The following BMPR1A variants were observed in gnomAD, a reference collection of about 807,000 sequenced individuals.
BMPR1A encodes the protein bone morphogenetic protein receptor type 1A, also known as bone morphogenetic protein receptor type-1A.
Under a neutral mutation model 66.0 loss-of-function variants are expected in BMPR1A, and 7 were observed. The ratio of observed to expected loss-of-function variants is 0.11; its 90% CI spans 0.06 to 0.20. BMPR1A has a LOEUF of 0.20. Ranked by LOEUF, BMPR1A falls within the 10% of genes least tolerant of loss-of-function variation. The probability of loss-of-function intolerance (pLI) is 1.00; values close to 1 mark genes in which losing one functional copy is unlikely to be tolerated. For missense variants in BMPR1A, 408 were observed against 669.1 expected (o/e 0.61, Z 4.31); for synonymous variants, 200 against 229.7 (o/e 0.87, Z 1.17).
rs774787897 is a variant in BMPR1A at position 86,869,647 on chromosome 10, C to T, written c.-152-6220C>T. On this transcript the variant is annotated intron_variant, in intron 2 of 12. Coordinates refer to ENST00000372037, the MANE Select transcript of BMPR1A (RefSeq NM_004329.3). ...TGGCGCATGCCTGTAATCTCAGCTA[C>T]TCGGGATGCTGAGGCGGGAGAATCG... Among the ~76,000 whole-genome samples the T allele has an allele frequency of 1.8e-4, 28 of 151,846 alleles. 1 individual carries two copies. The highest frequency in any genetic ancestry group is 4.0e-4 in the Non-Finnish European group (27 of 67,986).
At chr10:86,797,903 A>C (rs972176679) in intron 1 of BMPR1A, among the ~76,000 whole-genome samples, 1 of 152,144 alleles carries the variant, frequency 6.6e-6, no homozygotes, top group Non-Finnish European at 1.5e-5. Flanking sequence ...TAAATTATTA[A>C]GTGAATATAT....
At chr10:86,781,539 T>C (rs1841436756) in intron 1 of BMPR1A, among the ~76,000 whole-genome samples, 1 of 152,164 alleles carries the variant, frequency 6.6e-6, no homozygotes, top group Non-Finnish European at 1.5e-5. Flanking sequence ...ATTTTAGGAT[T>C]TGTTTTTCCG....
At chr10:86,828,380 C>A (rs1405012646) in intron 1 of BMPR1A, among the ~76,000 whole-genome samples, 1 of 152,080 alleles carries the variant, frequency 6.6e-6, no homozygotes, top group East Asian at 1.9e-4. Flanking sequence ...TTCCAGGTAG[C>A]GGTTCACAAA....
At chr10:86,871,158 A>T (rs1842850418) in intron 2 of BMPR1A, among the ~76,000 whole-genome samples, 1 of 152,100 alleles carries the variant, frequency 6.6e-6, no homozygotes, top group African/African-American at 2.4e-5. Flanking sequence ...TTCAGATCTC[A>T]ACTTAAAGGT....
At chr10:86,829,208 A>G (rs1174886758) in intron 1 of BMPR1A, among the ~76,000 whole-genome samples, 2 of 152,190 alleles carry the variant, frequency 1.3e-5, no homozygotes, top group South Asian at 2.1e-4. Context: ...TCTCCAAAAA[A>G]TAAACTTGTA....
At chr10:86,814,274 T>C (rs1488295354) in intron 1 of BMPR1A, among the ~76,000 whole-genome samples, 1 of 152,160 alleles carries the variant, frequency 6.6e-6, no homozygotes, top group Non-Finnish European at 1.5e-5. Flanking sequence ...GCTGAGAGTA[T>C]GGGCTGCATT....
chr10:86,760,319 G>A (rs1357979031), intron 1 of BMPR1A, among the ~76,000 whole-genome samples: 1 of 136,300 alleles, frequency 7.3e-6, no homozygotes, highest in Non-Finnish European at 1.5e-5. Context: ...AATGGCGTGA[G>A]CTCAGCTCAT....
intron 7 of BMPR1A, among the ~76,000 whole-genome samples, chr10:86,905,028 AAAATT>A (rs1347482897): frequency 2.0e-5 from 3 of 152,254 alleles, no homozygotes; most frequent in African/African-American, 4.8e-5. Context: ...GTAAAAGAAT[AAAATT>A]AAAGTTAAAG....
chr10:86,880,328 G>A (rs543067037), intron 3 of BMPR1A, among the ~76,000 whole-genome samples: 6 of 152,242 alleles, frequency 3.9e-5, no homozygotes, highest in African/African-American at 1.4e-4. Context: ...AGTGACCTCC[G>A]CTCTGAGGCA....
chr10:86,789,872 A>AAAGGCTGGGCTCC (rs563058213), intron 1 of BMPR1A, among the ~76,000 whole-genome samples: 2,624 of 151,322 alleles, frequency 0.017, 36 homozygotes, highest in Admixed American at 0.025. Flanking sequence ...AATATAAATC[A>AAAGGCTGGGCTCC]AAGGCTGGGC....
At chr10:86,884,309 C>G (rs1843035638) in intron 3 of BMPR1A, among the ~76,000 whole-genome samples, 1 of 150,376 alleles carries the variant, frequency 6.6e-6, no homozygotes, top group African/African-American at 2.4e-5. Context: ...TGGTCTTGAA[C>G]TCCTGAGCTC....
At chr10:86,902,261 C>T (rs146423732) in intron 7 of BMPR1A, among the ~76,000 whole-genome samples, 143 of 152,154 alleles carry the variant, frequency 9.4e-4, no homozygotes, top group Non-Finnish European at 2.4e-4. Flanking sequence ...TTTTGGGGGG[C>T]CTGTTTTTCC....
chr10:86,787,680 A>G (rs1353307117), intron 1 of BMPR1A, among the ~76,000 whole-genome samples: 1 of 152,226 alleles, frequency 6.6e-6, no homozygotes, highest in Non-Finnish European at 1.5e-5. Context: ...TAAAGAAAAG[A>G]GAATTAATGG....
chr10:86,896,106 A>G (rs1010766892), intron 5 of BMPR1A, among the ~76,000 whole-genome samples: 1 of 151,836 alleles, frequency 6.6e-6, no homozygotes, highest in African/African-American at 2.4e-5. Context: ...GTGAGCCGAG[A>G]TAGCACCACT....
rs1843060147 is a variant in BMPR1A at position 86,885,766 on chromosome 10, C to T, written c.68-4296C>T. Among the ~76,000 whole-genome samples the T allele has an allele frequency of 2.0e-5, 3 of 152,188 alleles. No homozygotes were observed. The South Asian group carries it at 6.2e-4, about 31-fold the overall frequency. Reference sequence around the variant, plus strand: ...ATCAGTAGCCCATTGGTCTCACCAACCGTTTGCCATCTGAGTTCTGTTGTA... The same window carrying T: ...ATCAGTAGCCCATTGGTCTCACCAATCGTTTGCCATCTGAGTTCTGTTGTA... On this transcript the variant is annotated intron_variant, in intron 3 of 12. Transcript: ENST00000372037.
At chr10:86,800,133 A>C (rs1375833721) in intron 1 of BMPR1A, among the ~76,000 whole-genome samples, 5 of 152,194 alleles carry the variant, frequency 3.3e-5, no homozygotes, top group Non-Finnish European at 1.5e-5. Flanking sequence ...GTGGCCAACA[A>C]TTAAAAATTG....
rs1589742284 is a variant in BMPR1A, at chr10:86,842,864, C to A, written c.-153+3885C>A. The stretch of plus-strand genomic sequence containing the variant: ...CATCAGATCTTGTGAGACGTATTCA[C>A]TACCAAGAGAACAGTATAGGGGAAA... On this transcript the variant is annotated intron_variant, in intron 2 of 12. Coordinates refer to ENST00000372037, the MANE Select transcript of BMPR1A (RefSeq NM_004329.3). Among the ~76,000 whole-genome samples, 3 of 152,002 alleles carry A rather than the reference C, an allele frequency of 2.0e-5. No homozygotes were observed. In the South Asian group the frequency reaches 6.2e-4, roughly 32 times the overall value.
chr10:86,918,627 CTTT>C (rs71802648), intron 9 of BMPR1A, among the ~76,000 whole-genome samples: 16 of 141,430 alleles, frequency 1.1e-4, no homozygotes, highest in Admixed American at 2.1e-4. Flanking sequence ...CTTTTCTTTT[CTTT>C]TTTTTTTTTT....
At chr10:86,881,032 TA>T (rs939287367) in intron 3 of BMPR1A, among the ~76,000 whole-genome samples, 65 of 149,044 alleles carry the variant, frequency 4.4e-4, no homozygotes, top group Non-Finnish European at 7.8e-4. Flanking sequence ...AGAGTCCCTT[TA>T]AAAAAAAAAT....
Sources: allele counts gnomAD v4.1 joint callset (sites outside exome capture counted in the v4.1 genomes callset), GRCh38; gene constraint gnomAD v4.1.1; transcripts MANE v1.5; gene names NCBI Gene and HGNC (gene_info 2026-07-23, HGNC 2026-07-21).